Variants in TULP4 observed in about 807,000 individuals in gnomAD.
The protein encoded by TULP4 is tubby-related protein 4.
In TULP4, 16 loss-of-function variants were observed where a neutral mutation model predicts 129.0. The ratio of observed to expected loss-of-function variants is 0.12; its 90% confidence interval spans 0.08 to 0.19. TULP4 has a LOEUF of 0.19. Among genes scored for constraint, TULP4 ranks in the 10% least tolerant of loss-of-function variants. TULP4 has a pLI of 1.00. For synonymous variants in TULP4, 998 were observed against 854.0 expected (o/e 1.17, Z -2.94); for missense variants, 1,842 against 2,059.1 (o/e 0.89, Z 2.04).
intron 2 of TULP4, among the ~76,000 whole-genome samples, chr6:158,414,189 G>A (rs1481526192): frequency 6.6e-6 from 1 of 152,200 alleles, no homozygotes; most frequent in Non-Finnish European, 1.5e-5. Flanking sequence ...GAGTTGATTT[G>A]GTAGAGTAAA....
At chr6:158,255,084 A>C (rs1472230852) in intron 1 of TULP4, among the ~76,000 whole-genome samples, 1 of 151,958 alleles carries the variant, frequency 6.6e-6, no homozygotes, top group Non-Finnish European at 1.5e-5. Flanking sequence ...AAACAAAACA[A>C]AACAAAAGCA....
In TULP4 at chr6:158,498,654, C is replaced by A; in HGVS notation, c.1871-15C>A. 1 of 1,614,146 alleles carries A rather than the reference C, an allele frequency of 6.2e-7. No homozygotes were observed. Among genetic ancestry groups the A allele is most frequent in the Non-Finnish European group, 8.5e-7 (1 of 1,179,990 alleles). On this transcript the variant is annotated splice_polypyrimidine_tract_variant and intron_variant, in intron 11 of 13. Transcript: ENST00000367097. Reference sequence around the variant, plus strand: ...GTGTGTCTCTGTTAACTGTGCCCTTCTTTTTCCCCACCAGTAATCTATAAA... The same window carrying A: ...GTGTGTCTCTGTTAACTGTGCCCTTATTTTTCCCCACCAGTAATCTATAAA...
intron 1 of TULP4, among the ~76,000 whole-genome samples, chr6:158,351,178 C>T (rs552608856): frequency 1.3e-5 from 2 of 152,196 alleles, no homozygotes; most frequent in South Asian, 4.2e-4. Context: ...TACTGAACCC[C>T]GAATACTAAC....
At chr6:158,378,642 G>T (rs893466815) in intron 1 of TULP4, among the ~76,000 whole-genome samples, 1 of 151,868 alleles carries the variant, frequency 6.6e-6, no homozygotes, top group Non-Finnish European at 1.5e-5. Flanking sequence ...GTGCCACTGT[G>T]CCCGGCTGAT....
intron 1 of TULP4, among the ~76,000 whole-genome samples, chr6:158,284,667 C>A (rs1317688281): frequency 2.6e-5 from 4 of 152,210 alleles, no homozygotes; most frequent in East Asian, 3.8e-4. Context: ...AGGTACTGAG[C>A]TGCTGACCAG....
intron 11 of TULP4, among the ~76,000 whole-genome samples, chr6:158,496,980 G>A (rs915516196): frequency 1.3e-5 from 2 of 152,128 alleles, no homozygotes; most frequent in African/African-American, 4.8e-5. Context: ...GTACTAGCTA[G>A]GACTGTAGAC....
intron 12 of TULP4, among the ~76,000 whole-genome samples, chr6:158,500,513 G>A (rs1218802838): frequency 1.3e-5 from 2 of 152,216 alleles, no homozygotes; most frequent in African/African-American, 2.4e-5. Flanking sequence ...CTTACACCAT[G>A]CCTCAGATTT....
At chr6:158,268,011 T>A (rs1174922630) in intron 1 of TULP4, among the ~76,000 whole-genome samples, 1 of 110,648 alleles carries the variant, frequency 9.0e-6, no homozygotes, top group Admixed American at 9.9e-5. Context: ...TCTTTTCTTT[T>A]CTTTTCTTTT....
chr6:158,356,686 A>T (rs1324994275), intron 1 of TULP4, among the ~76,000 whole-genome samples: 1 of 152,116 alleles, frequency 6.6e-6, no homozygotes, highest in Non-Finnish European at 1.5e-5. Context: ...CTCTGGTAGA[A>T]AAAGCCAGAT....
In TULP4 at chr6:158,503,871, A is replaced by G; in HGVS notation, c.4208A>G (p.Gln1403Arg). 6.2e-7 allele frequency: 1 copy of G among 1,614,112 alleles called. No individual in the cohort carries two copies. Among genetic ancestry groups the G allele is most frequent in the South Asian group, 1.1e-5 (1 of 91,082 alleles). ...SKKLNKTNEF[Q>R]DSSESEPELF... ...AAGTTGAATAAGACAAACGAGTTCC[A>G]GGACAGCTCCGAGAGCGAGCCTGAG... Residue 1403 changes from glutamine (Q) to arginine (R), a missense_variant, in exon 13 of 14, where the codon CAG becomes CGG. Gln to Arg is a conservative substitution (Grantham distance 43). Coordinates refer to ENST00000367097, the MANE Select transcript of TULP4 (RefSeq NM_020245.5). This position sits in a 1 kb window ranked among gnomAD's most constrained non-coding sequence, Gnocchi z 4.3.
intron 3 of TULP4, among the ~76,000 whole-genome samples, chr6:158,448,369 T>C (rs183830411): frequency 2.0e-5 from 3 of 152,320 alleles, no homozygotes; most frequent in Admixed American, 2.0e-4. Context: ...GCATAGTGTT[T>C]AGTGCAAAGT....
chr6:158,234,584 G>T (rs902539914), intron 1 of TULP4, among the ~76,000 whole-genome samples: 2 of 152,134 alleles, frequency 1.3e-5, no homozygotes, highest in Admixed American at 1.3e-4. Context: ...AGATAGAGTG[G>T]CTCAGCTATG....
At chr6:158,420,413 C>T (rs953382358) in intron 2 of TULP4, among the ~76,000 whole-genome samples, 3 of 152,184 alleles carry the variant, frequency 2.0e-5, no homozygotes, top group Non-Finnish European at 2.9e-5. Context: ...TTATAGACCA[C>T]GATCTCTGAA....
chr6:158,263,288 G>A (rs923866507), intron 1 of TULP4, among the ~76,000 whole-genome samples: 16 of 152,178 alleles, frequency 1.1e-4, no homozygotes, highest in African/African-American at 3.9e-4. Context: ...GCCTAAGCTG[G>A]GAGACTGTCT....
At chr6:158,498,517 A>T (rs1744470938) in intron 11 of TULP4, 152 bp from the exon 12 acceptor site, 1 of 873,912 alleles carries the variant, frequency 1.1e-6, no homozygotes, top group African/African-American at 1.7e-5. Context: ...GGAGAAATGA[A>T]GAGCTCCTCT....
At chr6:158,331,419 A>C (rs954173987) in intron 1 of TULP4, among the ~76,000 whole-genome samples, 3 of 151,954 alleles carry the variant, frequency 2.0e-5, no homozygotes, top group Non-Finnish European at 4.4e-5. Flanking sequence ...AAAGTGTCCC[A>C]GATTTGGCCA....
upstream of TULP4, among the ~76,000 whole-genome samples, chr6:158,308,639 C>G (rs1242141320): frequency 6.7e-6 from 1 of 148,356 alleles, no homozygotes; most frequent in Non-Finnish European, 1.5e-5. Context: ...GGCTGACCCC[C>G]CCACCTCCCT....
chr6:158,481,268 C>T lies in TULP4; in HGVS notation c.1465C>T (p.Pro489Ser), dbSNP rs1339230296. Residue 489 changes from proline (P) to serine (S), a missense_variant, in exon 8 of 14, where the codon CCG (proline) becomes TCG (serine). Coordinates refer to ENST00000367097, the MANE Select transcript of TULP4 (RefSeq NM_020245.5). The stretch of plus-strand genomic sequence containing the variant: ...GCGGCCAGAGTTCGTCATCATGGAC[C>T]CGCGGACAGATAGCAAACCAGGTGG... ...KLRPEFVIMD[P>S]RTDSKPDEIY... The T allele has an allele frequency of 6.2e-7, 1 of 1,613,962 alleles. No individual in the cohort carries two copies. The highest frequency in any genetic ancestry group is 1.3e-5 in the African/African-American group (1 of 75,056).
At chr6:158,402,700 A>G (rs925250332) in intron 1 of TULP4, among the ~76,000 whole-genome samples, 1 of 152,188 alleles carries the variant, frequency 6.6e-6, no homozygotes, top group Non-Finnish European at 1.5e-5. Flanking sequence ...ATGCCATATT[A>G]AAGGTCTGAA....
Sources: allele counts gnomAD v4.1 joint callset (sites outside exome capture counted in the v4.1 genomes callset), GRCh38; gene constraint gnomAD v4.1.1; non-coding constraint Gnocchi (gnomAD v3.1); transcripts MANE v1.5; gene names NCBI Gene and HGNC (gene_info 2026-07-23, HGNC 2026-07-21).